The following CADM1 variants were observed in gnomAD, a reference collection of about 807,000 sequenced individuals.
The protein encoded by CADM1 is cell adhesion molecule 1, also known as TSLC-1.
In CADM1, 15 loss-of-function variants were observed where a neutral mutation model predicts 53.1. That is an observed-to-expected ratio of 0.28 (90% confidence interval 0.19 to 0.44). The LOEUF is 0.44. CADM1 is among the 20% of genes least tolerant of loss of function. The probability of loss-of-function intolerance (pLI) is 1.00; values close to 1 mark genes in which losing one functional copy is unlikely to be tolerated. For synonymous variants in CADM1, 281 were observed against 243.0 expected, an observed-to-expected ratio of 1.16 and a Z score of -1.45; for missense variants, 434 against 611.3, an observed-to-expected ratio of 0.71 and a Z score of 3.06.
intron 1 of CADM1, among the ~76,000 whole-genome samples, chr11:115,340,650 A>T (rs1259695057): frequency 0.02 from 704 of 35,544 alleles, 47 homozygotes; most frequent in East Asian, 0.027. Flanking sequence ...ATATATATAT[A>T]TATATATATT....
At chr11:115,502,765 C>T (rs1038698268) in intron 1 of CADM1, among the ~76,000 whole-genome samples, 1 of 152,124 alleles carries the variant, frequency 6.6e-6, no homozygotes, top group Non-Finnish European at 1.5e-5. Context: ...AAGCTAGCAC[C>T]CCCACACATC....
Position 115,174,115 on chromosome 11 carries a change from G to A in CADM1, c.*2359C>T, listed in dbSNP as rs1591572453. The A allele has an allele frequency of 9.1e-6, 9 of 985,002 alleles. No homozygotes were observed. Among genetic ancestry groups the A allele is most frequent in the East Asian group, 1.1e-4 (1 of 8,794 alleles). The allele number at this position is 985,002 out of a possible 1,614,324, so 61.0% of individuals were successfully genotyped here. Reference sequence around the variant, plus strand: ...CTACACTTTGCAATCTACCTGAGACGGAAAACACCAATCGCAACACATGAA... The same window carrying A: ...CTACACTTTGCAATCTACCTGAGACAGAAAACACCAATCGCAACACATGAA... On this transcript the variant is annotated 3_prime_UTR_variant, in exon 12 of 12. Coordinates refer to ENST00000331581, the MANE Select transcript of CADM1 (RefSeq NM_001301043.2).
At chr11:115,223,617 C>CTT (rs1329216255) in intron 5 of CADM1, among the ~76,000 whole-genome samples, 1 of 152,132 alleles carries the variant, frequency 6.6e-6, no homozygotes, top group East Asian at 1.9e-4. Context: ...AAGGCAAAGG[C>CTT]TTTTCCCTTA....
intron 1 of CADM1, among the ~76,000 whole-genome samples, chr11:115,348,670 A>T (rs1414758447): frequency 6.6e-6 from 1 of 152,198 alleles, no homozygotes; most frequent in Admixed American, 6.5e-5. Context: ...CCCCATGTAG[A>T]TGGCTTTGCT....
At position 115,360,000 on chromosome 11, in the gene CADM1, T is replaced by C. The variant is rs59487921; in HGVS notation, c.125-119580A>G. On this transcript the variant is annotated intron_variant, in intron 1 of 11. Transcript: ENST00000331581. ...TGAATAAAAACCACAACAATGGTTATATCCATTCATTGTTCACCTACTATG... is the reference window on the plus strand; with the variant it reads ...TGAATAAAAACCACAACAATGGTTACATCCATTCATTGTTCACCTACTATG... Among the ~76,000 whole-genome samples the C allele has an allele frequency of 7.8e-3, 1,187 of 152,338 alleles. 16 individuals are homozygous for C. The highest frequency in any genetic ancestry group is 0.026 in the African/African-American group (1,062 of 41,566).
At chr11:115,405,646 A>G (rs964680513) in intron 1 of CADM1, among the ~76,000 whole-genome samples, 3 of 152,240 alleles carry the variant, frequency 2.0e-5, no homozygotes, top group African/African-American at 7.2e-5. Context: ...AGCAGTGAAA[A>G]TAAGTGTACC....
chr11:115,318,173 C>A (rs1944724396), intron 1 of CADM1, among the ~76,000 whole-genome samples: 1 of 152,152 alleles, frequency 6.6e-6, no homozygotes, highest in Admixed American at 6.5e-5. Context: ...AACTGCTGAA[C>A]AAACTAACCC....
intron 1 of CADM1, among the ~76,000 whole-genome samples, chr11:115,286,091 G>A (rs1591672195): frequency 6.6e-6 from 1 of 152,266 alleles, no homozygotes; most frequent in East Asian, 1.9e-4. Context: ...TAGTTCTTCA[G>A]TTCTTCTAAA....
chr11:115,280,396 T>C (rs1251509929), intron 1 of CADM1, among the ~76,000 whole-genome samples: 3 of 152,168 alleles, frequency 2.0e-5, no homozygotes, highest in Non-Finnish European at 2.9e-5. Context: ...AGAGGGGTTA[T>C]AAAAATAAGC....
At chr11:115,436,218 T>C (rs1191307862) in intron 1 of CADM1, among the ~76,000 whole-genome samples, 2 of 152,162 alleles carry the variant, frequency 1.3e-5, no homozygotes, top group Non-Finnish European at 2.9e-5. Context: ...CAACATAGAA[T>C]GTAAAGAAGC....
chr11:115,342,617 T>C lies in CADM1; in HGVS notation c.125-102197A>G, dbSNP rs151197232. Among the ~76,000 whole-genome samples the C allele has an allele frequency of 7.0e-3, 1,073 of 152,288 alleles. 9 individuals carry two copies. Among genetic ancestry groups the C allele is most frequent in the Non-Finnish European group, 0.011 (726 of 68,028 alleles). ...TCATCTATCAAAACACTATGCATCA[T>C]AGATATCTAATTTTTTCATCTCTTG... On this transcript the variant is annotated intron_variant, in intron 1 of 11. Coordinates refer to ENST00000331581, the MANE Select transcript of CADM1 (RefSeq NM_001301043.2).
chr11:115,389,697 T>C (rs1277227382), intron 1 of CADM1, among the ~76,000 whole-genome samples: 1 of 152,010 alleles, frequency 6.6e-6, no homozygotes. Flanking sequence ...TAGACAAAAA[T>C]GCCTATAAAG....
intron 1 of CADM1, among the ~76,000 whole-genome samples, chr11:115,368,575 T>G (rs1946230894): frequency 6.6e-6 from 1 of 152,146 alleles, no homozygotes; most frequent in Non-Finnish European, 1.5e-5. Flanking sequence ...AATGATAATG[T>G]TCTGTGAAGA....
At chr11:115,281,934 G>A (rs993262977) in intron 1 of CADM1, among the ~76,000 whole-genome samples, 1 of 151,636 alleles carries the variant, frequency 6.6e-6, no homozygotes, top group African/African-American at 2.4e-5. Flanking sequence ...TTCATTTTTT[G>A]TTAGGTGTCC....
intron 1 of CADM1, among the ~76,000 whole-genome samples, chr11:115,479,992 T>C (rs1176226405): frequency 2.0e-5 from 3 of 152,318 alleles, no homozygotes; most frequent in East Asian, 3.9e-4. Context: ...TCTTGAAATA[T>C]GGAATGAAAG....
At chr11:115,200,844 G>A (rs1037869860) in intron 8 of CADM1, among the ~76,000 whole-genome samples, 5 of 152,132 alleles carry the variant, frequency 3.3e-5, no homozygotes, top group South Asian at 2.1e-4. Flanking sequence ...ATAGAAGGGC[G>A]GGGGGTGGAG....
chr11:115,180,374 G>A (rs1374018396), intron 10 of CADM1, among the ~76,000 whole-genome samples: 2 of 152,214 alleles, frequency 1.3e-5, no homozygotes, highest in African/African-American at 4.8e-5. Context: ...ATCAGAGGCA[G>A]CAGCAGGTCG....
chr11:115,406,355 T>G (rs1256949574), intron 1 of CADM1, among the ~76,000 whole-genome samples: 1 of 151,792 alleles, frequency 6.6e-6, no homozygotes, highest in Non-Finnish European at 1.5e-5. Context: ...GGTTTGATTT[T>G]TAAAACAAAA....
chr11:115,480,530 C>T (rs900328252), intron 1 of CADM1, among the ~76,000 whole-genome samples: 85 of 152,118 alleles, frequency 5.6e-4, no homozygotes, highest in African/African-American at 1.9e-3. Context: ...ATTGACCTGC[C>T]TTCCCTCTGA....
Sources: allele counts gnomAD v4.1 joint callset (sites outside exome capture counted in the v4.1 genomes callset), GRCh38; gene constraint gnomAD v4.1.1; transcripts MANE v1.5; gene names NCBI Gene and HGNC (gene_info 2026-07-23, HGNC 2026-07-21).